EIF4E3: variants seen among roughly 807,000 people sequenced by gnomAD.
The protein encoded by EIF4E3 is eukaryotic translation initiation factor 4E family member 3.
EIF4E3 carries 26 observed loss-of-function variants against 31.7 expected under a neutral mutation model. That is an observed-to-expected ratio of 0.82 (90% CI 0.60 to 1.14). EIF4E3 has a LOEUF of 1.14. Ranked by LOEUF, EIF4E3 falls within the 50% of genes most tolerant of loss-of-function variation. EIF4E3 has a pLI of 0.00. For missense variants in EIF4E3, 304 were observed against 270.9 expected (o/e 1.12, Z -0.86); for synonymous variants, 128 against 107.7 (o/e 1.19, Z -1.17).
At chr3:71,730,352 A>T (rs2049692499), upstream of EIF4E3, among the ~76,000 whole-genome samples, 1 of 152,178 alleles carries the variant, frequency 6.6e-6, no homozygotes, top group East Asian at 1.9e-4. Context: ...TAACAAGAGC[A>T]CTCTCAAGGG....
chr3:71,662,625 G>C, the EIF4E3 span, among the ~76,000 whole-genome samples: 1 of 152,212 alleles, frequency 6.6e-6, no homozygotes, highest in East Asian at 1.9e-4. Context: ...GAAGAAAGAA[G>C]GCATTTTAAT....
At chr3:71,666,093 A>G in the EIF4E3 span, among the ~76,000 whole-genome samples, 37 of 152,216 alleles carry the variant, frequency 2.4e-4, no homozygotes, top group Non-Finnish European at 5.9e-5. Context: ...AATAACTAAT[A>G]TCAGACCTGA....
chr3:71,725,362 C>T lies in EIF4E3; in HGVS notation c.6G>A (p.Ala2=). 1.0e-6 allele frequency: 1 copy of T among 976,906 alleles called. No individual in the cohort carries two copies. Among genetic ancestry groups the T allele is most frequent in the Non-Finnish European group, 1.2e-6 (1 of 825,490 alleles). The allele number at this position is 976,906 out of a possible 1,614,324, so 60.5% of individuals were successfully genotyped here. ...CGGGGGGCGCGGCGGCCGGGGGCAGCGCCATTTTCTCCGCCCCGCCTGCAA... is the reference window on the plus strand; with the variant it reads ...CGGGGGGCGCGGCGGCCGGGGGCAGTGCCATTTTCTCCGCCCCGCCTGCAA... M[A]LPPAAAPPAG... is the part of the protein sequence containing the mutation. The change falls in exon 1 of 7, where the codon GCG becomes GCA. Residue 2 remains alanine (A), a synonymous_variant. Transcript: ENST00000425534. The surrounding 1 kb of genome is among the most constrained non-coding windows in gnomAD (Gnocchi z 6.1).
intron 1 of EIF4E3, among the ~76,000 whole-genome samples, chr3:71,716,841 C>A (rs1040833283): frequency 1.1e-4 from 16 of 152,168 alleles, no homozygotes; most frequent in Non-Finnish European, 2.4e-4. Flanking sequence ...CTGGCACCCT[C>A]ATAAAAACAC....
At chr3:71,710,599 ACTGGACATTTTGGGGATG>A (rs2049364331) in intron 1 of EIF4E3, 115 bp from the exon 2 acceptor site, 1 of 987,994 alleles carries the variant, frequency 1.0e-6, no homozygotes, top group South Asian at 1.6e-5. Context: ...AAACCACAGG[ACTGGACATTTTGGGGATG>A]CTAGTTGGAA....
intron 1 of EIF4E3, among the ~76,000 whole-genome samples, chr3:71,717,372 T>C (rs2049481378): frequency 6.6e-6 from 1 of 152,200 alleles, no homozygotes; most frequent in South Asian, 2.1e-4. Context: ...AAAATCACTA[T>C]TGTCACAAGC....
chr3:71,732,427 G>A (rs2049716313), intron 1 of EIF4E3, among the ~76,000 whole-genome samples: 1 of 152,060 alleles, frequency 6.6e-6, no homozygotes, highest in African/African-American at 2.4e-5. Flanking sequence ...TCCCAACGAT[G>A]TCAGTATATA....
chr3:71,749,362 T>C (rs1357275875), intron 1 of EIF4E3, among the ~76,000 whole-genome samples: 3 of 152,254 alleles, frequency 2.0e-5, no homozygotes, highest in African/African-American at 7.2e-5. Context: ...AGTTATGACT[T>C]CGTCCCATGG....
At chr3:71,692,264 G>T (rs1372080936) in intron 5 of EIF4E3, among the ~76,000 whole-genome samples, 2 of 152,144 alleles carry the variant, frequency 1.3e-5, no homozygotes. Flanking sequence ...GGGGAGTGAG[G>T]CCCAGAGAGA....
chr3:71,667,242 G>A, the EIF4E3 span, among the ~76,000 whole-genome samples: 1 of 152,140 alleles, frequency 6.6e-6, no homozygotes, highest in African/African-American at 2.4e-5. Context: ...GGTATTGATG[G>A]AATATATCTC....
At chr3:71,719,161 T>C (rs531523484) in intron 1 of EIF4E3, among the ~76,000 whole-genome samples, 11 of 152,358 alleles carry the variant, frequency 7.2e-5, no homozygotes, top group East Asian at 5.8e-4. Flanking sequence ...GAATTCTTCA[T>C]TGATACTACT....
At chr3:71,730,355 C>T (rs986842550), upstream of EIF4E3, among the ~76,000 whole-genome samples, 5 of 152,204 alleles carry the variant, frequency 3.3e-5, no homozygotes, top group African/African-American at 1.2e-4. Context: ...CAAGAGCACT[C>T]TCAAGGGACT....
intron 1 of EIF4E3, among the ~76,000 whole-genome samples, chr3:71,714,590 A>C (rs533035398): frequency 3.5e-4 from 53 of 152,336 alleles, no homozygotes; most frequent in Non-Finnish European, 6.9e-4. Context: ...AGTCACTGAA[A>C]AACACCAATG....
intron 2 of EIF4E3, among the ~76,000 whole-genome samples, chr3:71,703,105 T>G (rs2049241033): frequency 6.6e-6 from 1 of 152,236 alleles, no homozygotes; most frequent in Non-Finnish European, 1.5e-5. Flanking sequence ...TTAAATGCTT[T>G]TTTTTCCCAA....
chr3:71,723,250 G>A (rs116008582), intron 1 of EIF4E3, among the ~76,000 whole-genome samples: 4,091 of 152,294 alleles, frequency 0.027, 121 homozygotes, highest in African/African-American at 0.065. Flanking sequence ...CCTCAAGGGG[G>A]AGAGGGGCAC....
At chr3:71,694,028 TTC>T in intron 4 of EIF4E3, 87 bp from the exon 5 acceptor site, 5 of 1,310,742 alleles carry the variant, frequency 3.8e-6, no homozygotes, top group Non-Finnish European at 5.1e-6. Context: ...AAATTATGTT[TTC>T]TTCAACTTCA....
At chr3:71,740,635 A>G (rs901173075) in intron 1 of EIF4E3, among the ~76,000 whole-genome samples, 1 of 150,738 alleles carries the variant, frequency 6.6e-6, no homozygotes, top group African/African-American at 2.4e-5. Context: ...TTGGGAGGCT[A>G]AAGTGGGAGG....
At chr3:71,661,026 TC>T in the EIF4E3 span, among the ~76,000 whole-genome samples, 1,295 of 152,272 alleles carry the variant, frequency 8.5e-3, 20 homozygotes, top group East Asian at 0.051. Context: ...TGCGAGCGTT[TC>T]ATCAACTTGT....
At chr3:71,741,396 C>T (rs559042962) in intron 1 of EIF4E3, among the ~76,000 whole-genome samples, 16 of 152,114 alleles carry the variant, frequency 1.1e-4, no homozygotes, top group Middle Eastern at 3.4e-3. Flanking sequence ...AAGTAAATTC[C>T]GGAGCAAAGA....
Sources: allele counts gnomAD v4.1 joint callset (sites outside exome capture counted in the v4.1 genomes callset), GRCh38; gene constraint gnomAD v4.1.1; non-coding constraint Gnocchi (gnomAD v3.1); transcripts MANE v1.5; gene names NCBI Gene and HGNC (gene_info 2026-07-23, HGNC 2026-07-21).